PSEN1: variants seen among roughly 807,000 people sequenced by gnomAD.
PSEN1 encodes presenilin-1.
In PSEN1, 15 loss-of-function variants were observed where a neutral mutation model predicts 53.5. The observed-to-expected ratio is 0.28, with a 90% CI of 0.19 to 0.43. The LOEUF (loss-of-function observed/expected upper bound fraction) is 0.43. Ranked by LOEUF, PSEN1 falls within the 20% of genes least tolerant of loss-of-function variation. The pLI, the probability that PSEN1 is intolerant of heterozygous loss-of-function variation, is 1.00. For missense variants in PSEN1, 387 were observed against 571.2 expected (o/e 0.68, Z 3.29); for synonymous variants, 208 against 209.8 (o/e 0.99, Z 0.08).
intron 5 of PSEN1, among the ~76,000 whole-genome samples, chr14:73,179,289 T>C (rs972716720): frequency 1.3e-5 from 2 of 152,078 alleles, no homozygotes; most frequent in African/African-American, 4.8e-5. Context: ...CACCACAGGA[T>C]TGTGTGAGGA....
chr14:73,196,964 G>T (rs1444541708), intron 7 of PSEN1, among the ~76,000 whole-genome samples: 1 of 127,506 alleles, frequency 7.8e-6, no homozygotes, highest in Admixed American at 9.6e-5. Flanking sequence ...ACGGAGTCTC[G>T]CTGTATTGCC....
intron 3 of PSEN1, among the ~76,000 whole-genome samples, chr14:73,159,204 C>CA (rs984576108): frequency 2.0e-5 from 3 of 147,148 alleles, no homozygotes; most frequent in Non-Finnish European, 3.0e-5. Context: ...TTTAAAGAGA[C>CA]AGAGTCTTGC....
chr14:73,198,045 T>G lies in PSEN1; in HGVS notation c.784T>G (p.Leu262Val). 1 of 1,606,682 alleles carries G rather than the reference T, an allele frequency of 6.2e-7. No individual in the cohort carries two copies. The highest frequency in any genetic ancestry group is 8.5e-7 in the Non-Finnish European group (1 of 1,173,668). The change falls in exon 8 of 12, where the codon TTG (leucine) becomes GTG (valine). Residue 262 changes from leucine to valine, a missense_variant. Leu to Val is a conservative substitution (Grantham distance 32). Coordinates refer to ENST00000324501, the MANE Select transcript of PSEN1 (RefSeq NM_000021.4). ...VISVYDLVAV[L>V]CPKGPLRMLV... ...TCTTTTTCTAGATTTAGTGGCTGTT[T>G]TGTGTCCGAAAGGTCCACTTCGTAT...
Position 73,186,793 on chromosome 14 carries a change from A to G in PSEN1, c.481-60A>G, listed in dbSNP as rs1898531003. The stretch of plus-strand genomic sequence containing the variant: ...CCCTGTCTCAAAAAAGAAAAAAAAA[A>G]TCTGTACTTTTTAAGGGTTGTGGGA... On this transcript the variant is annotated intron_variant, in intron 5 of 11. Coordinates refer to ENST00000324501, the MANE Select transcript of PSEN1 (RefSeq NM_000021.4). 5.0e-6 allele frequency: 7 copies of G among 1,412,420 alleles called. No homozygotes were observed. In the Admixed American group the frequency reaches 6.7e-5, roughly 14 times the overall value. 87.5% of individuals were successfully genotyped at this position (1,412,420 alleles called of 1,614,324 possible).
chr14:73,191,493 T>C (rs1345135391), intron 6 of PSEN1, among the ~76,000 whole-genome samples: 1 of 152,164 alleles, frequency 6.6e-6, no homozygotes, highest in Non-Finnish European at 1.5e-5. Context: ...AGATACTGTC[T>C]GGAAAAATGA....
intron 1 of PSEN1, among the ~76,000 whole-genome samples, chr14:73,138,365 T>C (rs1896808399): frequency 1.3e-5 from 2 of 151,352 alleles, no homozygotes; most frequent in Admixed American, 6.6e-5. Flanking sequence ...ACTACAGGCG[T>C]CCGCCACCAC....
At chr14:73,169,535 TATTGTGTTCC>T (rs1394366029) in intron 3 of PSEN1, 3 of 152,262 alleles carry the variant, frequency 2.0e-5, no homozygotes, top group African/African-American at 7.2e-5. Flanking sequence ...CTGTTTATCT[TATTGTGTTCC>T]ATTGTGTTCC....
chr14:73,147,322 A>G (rs1328449152), intron 1 of PSEN1, among the ~76,000 whole-genome samples: 1 of 152,120 alleles, frequency 6.6e-6, no homozygotes, highest in African/African-American at 2.4e-5. Context: ...CAGTTGTGTC[A>G]TCTTAAGCAA....
intron 3 of PSEN1, among the ~76,000 whole-genome samples, chr14:73,170,170 C>T (rs1228019187): frequency 3.3e-5 from 5 of 152,204 alleles, no homozygotes; most frequent in Non-Finnish European, 5.9e-5. Context: ...TCACTCTCCT[C>T]ACCATCTTGG....
chr14:73,184,097 G>T (rs1250071951), intron 5 of PSEN1, among the ~76,000 whole-genome samples: 1 of 123,462 alleles, frequency 8.1e-6, no homozygotes, highest in East Asian at 2.4e-4. Context: ...CTGGCCGGGC[G>T]GGGGGCTGAC....
Position 73,211,904 on chromosome 14 carries a change from T to A in PSEN1, c.1091T>A (p.Leu364His). 1 of 1,613,942 alleles carries A rather than the reference T, an allele frequency of 6.2e-7. No individual in the cohort carries two copies. Among genetic ancestry groups the A allele is most frequent in the Non-Finnish European group, 8.5e-7 (1 of 1,179,980 alleles). ...GAGTCACGAGCTGCTGTCCAGGAAC[T>A]TTCCAGCAGTATCCTCGCTGGTGAA... The part of the protein sequence containing the change: ...TPESRAAVQE[L>H]SSSILAGEDP... Residue 364 changes from leucine to histidine, a missense_variant, in exon 10 of 12, where the codon CTT becomes CAT. Coordinates refer to ENST00000324501, the MANE Select transcript of PSEN1 (RefSeq NM_000021.4).
At position 73,212,612 on chromosome 14, in the gene PSEN1, T is replaced by G. The variant is rs370939265; in HGVS notation, c.1129+670T>G. Among the ~76,000 whole-genome samples the G allele has an allele frequency of 4.9e-4, 75 of 152,344 alleles. 1 individual carries two copies. In the South Asian group the frequency reaches 7.0e-3, roughly 14 times the overall value. On this transcript the variant is annotated intron_variant, in intron 10 of 11. Coordinates refer to ENST00000324501, the MANE Select transcript of PSEN1 (RefSeq NM_000021.4). ...ATACAACCTTGTACATTATTATTCCTTTTGTTGACAAGTGCTATATTTTAT... is the reference window on the plus strand; with the variant it reads ...ATACAACCTTGTACATTATTATTCCGTTTGTTGACAAGTGCTATATTTTAT...
rs886050680 is a variant in PSEN1 at position 73,222,320 on chromosome 14, GTC to G, written c.*3037_*3038del. The G allele has an allele frequency of 1.3e-5, 2 of 152,202 alleles. No individual in the cohort carries two copies. Among genetic ancestry groups the G allele is most frequent in the Admixed American group, 6.5e-5 (1 of 15,284 alleles). The allele number at this position is 152,202 out of a possible 1,614,324, so 9.4% of individuals were successfully genotyped here. The stretch of plus-strand genomic sequence containing the variant: ...CAGACTCCGGGATTCCCATTCTGTA[GTC>G]TCTCTGCTTTTAAAAACCCTCCTTT... On this transcript the variant is annotated 3_prime_UTR_variant, in exon 12 of 12. Coordinates refer to ENST00000324501, the MANE Select transcript of PSEN1 (RefSeq NM_000021.4).
At chr14:73,174,978 C>T in intron 5 of PSEN1, among the ~76,000 whole-genome samples, 1 of 152,126 alleles carries the variant, frequency 6.6e-6, no homozygotes, top group Non-Finnish European at 1.5e-5. Context: ...AAAAATTACA[C>T]ATTATCACAA....
At chr14:73,151,098 T>C (rs1279183180) in intron 3 of PSEN1, among the ~76,000 whole-genome samples, 3 of 152,026 alleles carry the variant, frequency 2.0e-5, no homozygotes, top group Non-Finnish European at 4.4e-5. Context: ...CTTTATGTGG[T>C]TTATGTCTGA....
At chr14:73,154,889 T>G (rs1897314163) in intron 3 of PSEN1, among the ~76,000 whole-genome samples, 1 of 152,230 alleles carries the variant, frequency 6.6e-6, no homozygotes, top group South Asian at 2.1e-4. Flanking sequence ...ATTGATACAC[T>G]GCTGCTGAGG....
chr14:73,138,818 T>A (rs1261871451), intron 1 of PSEN1, among the ~76,000 whole-genome samples: 1 of 142,546 alleles, frequency 7.0e-6, no homozygotes, highest in South Asian at 2.2e-4. Flanking sequence ...AAAAAAAAAA[T>A]TAGCCGGGCG....
intron 3 of PSEN1, among the ~76,000 whole-genome samples, chr14:73,159,352 C>T (rs114336572): frequency 0.023 from 3,457 of 152,068 alleles, 135 homozygotes; most frequent in African/African-American, 0.076. Context: ...CAGCTAATTC[C>T]GTTTGTATTT....
chr14:73,212,129 T>G (rs1367216373), intron 10 of PSEN1, among the ~76,000 whole-genome samples, 187 bp downstream of exon 10: 6 of 112,538 alleles, frequency 5.3e-5, no homozygotes, highest in Middle Eastern at 4.1e-3. Flanking sequence ...TTTTTTTTTT[T>G]GAGACAGAGT....
Sources: allele counts gnomAD v4.1 joint callset (sites outside exome capture counted in the v4.1 genomes callset), GRCh38; gene constraint gnomAD v4.1.1; transcripts MANE v1.5; gene names NCBI Gene and HGNC (gene_info 2026-07-23, HGNC 2026-07-21).